CENPW: variants seen among roughly 807,000 people sequenced by gnomAD.
CENPW encodes the protein cancer-up-regulated gene 2 protein.
CENPW carries 3 observed loss-of-function variants against 11.1 expected under a neutral mutation model. That is an observed-to-expected ratio of 0.27 (90% CI 0.12 to 0.70). CENPW has a LOEUF of 0.70. Ranked by LOEUF, CENPW falls within the 30% of genes least tolerant of loss-of-function variation. The pLI is 0.77. For synonymous variants in CENPW, 38 were observed against 42.0 expected, an observed-to-expected ratio of 0.91 and a Z score of 0.37; for missense variants, 100 against 105.6, an observed-to-expected ratio of 0.95 and a Z score of 0.23.
chr6:126,384,091 A>C, the CENPW span, among the ~76,000 whole-genome samples: 1 of 152,154 alleles, frequency 6.6e-6, no homozygotes, highest in African/African-American at 2.4e-5. Context: ...TTCAAGACGA[A>C]GAAAATCACT....
the CENPW span, among the ~76,000 whole-genome samples, chr6:126,392,596 A>G: frequency 6.6e-6 from 1 of 151,932 alleles, no homozygotes; most frequent in South Asian, 2.1e-4. Flanking sequence ...TGTTAGAATG[A>G]TGTATCACAT....
rs765698258 is a variant in CENPW, at chr6:126,340,391, G to A, written c.118G>A (p.Asp40Asn). The A allele has an allele frequency of 1.2e-6, 2 of 1,614,164 alleles. No individual in the cohort carries two copies. The highest frequency in any genetic ancestry group is 4.5e-5 in the East Asian group (2 of 44,878). The change falls in exon 1 of 3, where the codon GAC (aspartate) becomes AAC (asparagine). Residue 40 changes from aspartate to asparagine, a missense_variant. Asp to Asn is a conservative substitution (Grantham distance 23). Transcript: ENST00000368328. Reference protein sequence around the residue: ...KPQLRLEKSGDLLVHLNCLLF... With the variant: ...KPQLRLEKSGNLLVHLNCLLF... The stretch of plus-strand genomic sequence containing the variant: ...TCAACTTCGTCTGGAGAAAAGTGGT[G>A]ACTTATTGGTGAGATTCCATCCCTT...
At chr6:126,395,130 T>TC in the CENPW span, among the ~76,000 whole-genome samples, 1 of 152,036 alleles carries the variant, frequency 6.6e-6, no homozygotes, top group South Asian at 2.1e-4. Context: ...AACTTTCTAC[T>TC]CCCCCTTCCA....
chr6:126,378,926 T>A, the CENPW span, among the ~76,000 whole-genome samples: 1 of 152,178 alleles, frequency 6.6e-6, no homozygotes, highest in Non-Finnish European at 1.5e-5. Context: ...ATATAGAAAT[T>A]TAAAGAATTT....
chr6:126,388,299 G>C, the CENPW span, among the ~76,000 whole-genome samples: 1 of 151,868 alleles, frequency 6.6e-6, no homozygotes, highest in Non-Finnish European at 1.5e-5. Flanking sequence ...ATGGCTTTTG[G>C]CCGTGCTCTT....
the CENPW span, among the ~76,000 whole-genome samples, chr6:126,429,562 G>A: frequency 4.2e-3 from 633 of 152,092 alleles, 4 homozygotes; most frequent in African/African-American, 0.014. Context: ...AGCTCCCTGC[G>A]GCTTCCCCAG....
the CENPW span, among the ~76,000 whole-genome samples, chr6:126,458,695 A>G: frequency 6.6e-6 from 1 of 151,336 alleles, no homozygotes; most frequent in South Asian, 2.1e-4. Flanking sequence ...GGCATTACCT[A>G]TATCATGATA....
chr6:126,442,691 T>C, the CENPW span, among the ~76,000 whole-genome samples: 1 of 151,364 alleles, frequency 6.6e-6, no homozygotes, highest in Non-Finnish European at 1.5e-5. Flanking sequence ...GATATGACCA[T>C]TTCTGAGAAG....
At chr6:126,402,288 C>T in the CENPW span, among the ~76,000 whole-genome samples, 4 of 151,340 alleles carry the variant, frequency 2.6e-5, no homozygotes, top group Non-Finnish European at 5.9e-5. Context: ...TTTTCTCTCC[C>T]CTTCCTCCAT....
the CENPW span, among the ~76,000 whole-genome samples, chr6:126,465,079 T>C: frequency 6.6e-6 from 1 of 152,044 alleles, no homozygotes; most frequent in African/African-American, 2.4e-5. Flanking sequence ...AACTATTTTG[T>C]TCACAAAGGA....
At chr6:126,447,451 G>C in the CENPW span, among the ~76,000 whole-genome samples, 1 of 151,282 alleles carries the variant, frequency 6.6e-6, no homozygotes, top group Admixed American at 6.6e-5. Context: ...GTTTGAAGAA[G>C]ACTGATTAAA....
intron 2 of CENPW, among the ~76,000 whole-genome samples, chr6:126,347,942 G>C (rs1173451285): frequency 6.6e-6 from 1 of 151,844 alleles, no homozygotes; most frequent in African/African-American, 2.4e-5. Flanking sequence ...TTCAGCATAA[G>C]ATGACTAGTT....
the CENPW span, among the ~76,000 whole-genome samples, chr6:126,356,913 T>C: frequency 6.6e-6 from 1 of 152,226 alleles, no homozygotes; most frequent in Non-Finnish European, 1.5e-5. Flanking sequence ...CTGTTTATAG[T>C]TTATTTGCTG....
At chr6:126,375,300 G>A in the CENPW span, among the ~76,000 whole-genome samples, 1 of 152,204 alleles carries the variant, frequency 6.6e-6, no homozygotes, top group African/African-American at 2.4e-5. Flanking sequence ...CTCTGAAACT[G>A]TAATGAGGAC....
the CENPW span, among the ~76,000 whole-genome samples, chr6:126,382,842 A>G: frequency 3.3e-5 from 5 of 152,318 alleles, 1 homozygote; most frequent in East Asian, 3.9e-4. Context: ...AGAGAATGGA[A>G]GCAACTTGGA....
At chr6:126,349,336 G>T (rs1265210028), downstream of CENPW, among the ~76,000 whole-genome samples, 1 of 152,076 alleles carries the variant, frequency 6.6e-6, no homozygotes, top group Non-Finnish European at 1.5e-5. Flanking sequence ...ATGTAGTTCT[G>T]TTGCCATTTT....
the CENPW span, among the ~76,000 whole-genome samples, chr6:126,434,371 T>G: frequency 6.6e-6 from 1 of 152,070 alleles, no homozygotes; most frequent in Non-Finnish European, 1.5e-5. Context: ...TAGAGGGTCA[T>G]TTTGAATATA....
At chr6:126,444,556 G>A in the CENPW span, among the ~76,000 whole-genome samples, 2 of 150,730 alleles carry the variant, frequency 1.3e-5, no homozygotes, top group African/African-American at 4.9e-5. Flanking sequence ...AGTCTTTCTT[G>A]AGTTTTGTTC....
the CENPW span, among the ~76,000 whole-genome samples, chr6:126,386,711 C>A: frequency 6.6e-6 from 1 of 151,806 alleles, no homozygotes; most frequent in Non-Finnish European, 1.5e-5. Flanking sequence ...TTTTTATTCC[C>A]CCTCCACTGC....
Sources: allele counts gnomAD v4.1 joint callset (sites outside exome capture counted in the v4.1 genomes callset), GRCh38; gene constraint gnomAD v4.1.1; transcripts MANE v1.5; gene names NCBI Gene and HGNC (gene_info 2026-07-23, HGNC 2026-07-21).